Variants in ENTREP2 observed in about 807,000 individuals in gnomAD.
ENTREP2 encodes the protein endosomal transmembrane epsin interactor 2.
At chr15:29,637,555 T>A in the ENTREP2 span, among the ~76,000 whole-genome samples, 1,506 of 152,232 alleles carry the variant, frequency 9.9e-3, 29 homozygotes, top group African/African-American at 0.035. Flanking sequence ...TCAGAGTGAG[T>A]GAGAGAGTGA....
the ENTREP2 span, among the ~76,000 whole-genome samples, chr15:29,444,122 C>A: frequency 1.2e-4 from 15 of 127,412 alleles, 1 homozygote; most frequent in Admixed American, 1.1e-3. Context: ...GAAAGACAGA[C>A]AGAAAGAAAG....
At chr15:29,458,374 A>C in the ENTREP2 span, among the ~76,000 whole-genome samples, 1 of 152,066 alleles carries the variant, frequency 6.6e-6, no homozygotes, top group East Asian at 1.9e-4. Context: ...AAACACCCTC[A>C]CAGACACTAT....
At chr15:29,377,862 T>TAAA in the ENTREP2 span, among the ~76,000 whole-genome samples, 73 of 100,970 alleles carry the variant, frequency 7.2e-4, no homozygotes, top group Non-Finnish European at 1.1e-3. Flanking sequence ...ATAATAATAA[T>TAAA]AAAAAAATGA....
chr15:29,442,047 C>G, the ENTREP2 span, among the ~76,000 whole-genome samples: 1 of 152,294 alleles, frequency 6.6e-6, no homozygotes, highest in East Asian at 1.9e-4. Context: ...ATCTATGCTC[C>G]TTGTTTTATA....
chr15:29,478,010 TA>T, the ENTREP2 span, among the ~76,000 whole-genome samples: 1,013 of 77,048 alleles, frequency 0.013, 19 homozygotes, highest in Non-Finnish European at 0.016. Context: ...TATATATATA[TA>T]TATATATATT....
the ENTREP2 span, among the ~76,000 whole-genome samples, chr15:29,646,243 G>T: frequency 6.6e-6 from 1 of 152,188 alleles, no homozygotes; most frequent in African/African-American, 2.4e-5. Flanking sequence ...CATTCTGGAG[G>T]TCAGAAGTCC....
chr15:29,442,676 C>T, the ENTREP2 span, among the ~76,000 whole-genome samples: 1,407 of 152,288 alleles, frequency 9.2e-3, 24 homozygotes, highest in African/African-American at 0.033. Flanking sequence ...GCTCCAGTGG[C>T]CTGATTGGAG....
the ENTREP2 span, among the ~76,000 whole-genome samples, chr15:29,185,699 T>G: frequency 6.6e-6 from 1 of 152,108 alleles, no homozygotes; most frequent in Admixed American, 6.5e-5. Context: ...GTAGCTGGGA[T>G]TACAGGCGCC....
the ENTREP2 span, among the ~76,000 whole-genome samples, chr15:29,520,718 G>A: frequency 2.6e-5 from 4 of 152,100 alleles, no homozygotes; most frequent in Non-Finnish European, 5.9e-5. Flanking sequence ...AGGTTAGCAG[G>A]GCTGCAGAAT....
the ENTREP2 span, among the ~76,000 whole-genome samples, chr15:29,286,588 G>C: frequency 6.6e-6 from 1 of 152,166 alleles, no homozygotes; most frequent in Admixed American, 6.5e-5. Flanking sequence ...CACTGTCTGA[G>C]TCCTGGAGCC....
At chr15:29,337,384 C>T in the ENTREP2 span, among the ~76,000 whole-genome samples, 4 of 152,168 alleles carry the variant, frequency 2.6e-5, no homozygotes, top group South Asian at 2.1e-4. Flanking sequence ...GGGAGGGAAG[C>T]GGAGTCAGGG....
At chr15:29,297,386 A>G in the ENTREP2 span, among the ~76,000 whole-genome samples, 2 of 152,202 alleles carry the variant, frequency 1.3e-5, no homozygotes, top group Non-Finnish European at 2.9e-5. Flanking sequence ...CAAAAACACC[A>G]TTTGGCCACT....
the ENTREP2 span, among the ~76,000 whole-genome samples, chr15:29,259,252 G>T: frequency 1.3e-5 from 2 of 152,194 alleles, no homozygotes; most frequent in African/African-American, 4.8e-5. Context: ...CAGTTATCAG[G>T]CATCATTAAG....
chr15:29,506,348 A>G, the ENTREP2 span, among the ~76,000 whole-genome samples: 1 of 152,228 alleles, frequency 6.6e-6, no homozygotes, highest in Non-Finnish European at 1.5e-5. Context: ...GATATCATCC[A>G]GGAGAATTTC....
the ENTREP2 span, among the ~76,000 whole-genome samples, chr15:29,199,495 C>A: frequency 3.9e-5 from 6 of 152,288 alleles, no homozygotes; most frequent in African/African-American, 1.2e-4. Flanking sequence ...GAAAATGAAG[C>A]TGACAGAACG....
the ENTREP2 span, among the ~76,000 whole-genome samples, chr15:29,489,653 T>C: frequency 1.3e-5 from 2 of 152,196 alleles, no homozygotes; most frequent in Non-Finnish European, 2.9e-5. Context: ...AAATGTCATG[T>C]CTCTCTGGAT....
chr15:29,268,222 G>GTA, the ENTREP2 span: 1 of 152,198 alleles, frequency 6.6e-6, no homozygotes, highest in African/African-American at 2.4e-5. Context: ...GTGGAACTAC[G>GTA]TGTTTAGCAG....
At chr15:29,234,376 G>A in the ENTREP2 span, 2,367 of 1,563,344 alleles carry the variant, frequency 1.5e-3, 3 homozygotes, top group Non-Finnish European at 1.9e-3. Flanking sequence ...ATGTCACTCT[G>A]CAGGACTTAT....
chr15:29,444,215 AAAG>A, the ENTREP2 span, among the ~76,000 whole-genome samples: 4 of 145,218 alleles, frequency 2.8e-5, no homozygotes, highest in African/African-American at 1.1e-4. Flanking sequence ...AGAAAGAAAG[AAAG>A]AAAGAAAGAA....
Sources: gnomAD v4.1 joint callset for allele counts (sites outside exome capture counted in the v4.1 genomes callset) on GRCh38, gnomAD v4.1.1 for gene constraint, MANE v1.5 for transcripts, NCBI Gene and HGNC (gene_info 2026-07-23, HGNC 2026-07-21) for gene names.